Variants in CLOCK observed in about 807,000 individuals in gnomAD.
The protein encoded by CLOCK is circadian locomoter output cycles protein kaput.
A neutral mutation model predicts 118.4 loss-of-function variants in CLOCK; 43 were observed. The ratio of observed to expected loss-of-function variants is 0.36; its 90% CI spans 0.28 to 0.47. The LOEUF is 0.47. Among genes scored for constraint, CLOCK ranks in the 20% least tolerant of loss-of-function variants. The pLI is 1.00. For missense variants in CLOCK, 846 were observed against 999.9 expected (o/e 0.85, Z 2.08); for synonymous variants, 326 against 339.2 (o/e 0.96, Z 0.43).
At chr4:55,448,644 G>GCA in intron 18 of CLOCK, 135 bp downstream of exon 18, 1 of 571,366 alleles carries the variant, frequency 1.8e-6, no homozygotes, top group Non-Finnish European at 3.2e-6. Context: ...GTGTGTGTGT[G>GCA]CTCCTACCTC....
At chr4:55,483,599 A>C (rs1391182171) in intron 3 of CLOCK, among the ~76,000 whole-genome samples, 1 of 152,222 alleles carries the variant, frequency 6.6e-6, no homozygotes, top group East Asian at 1.9e-4. Context: ...AGAAACAGAT[A>C]ATAGGTGAAA....
intron 21 of CLOCK, among the ~76,000 whole-genome samples, chr4:55,440,042 A>C (rs779969674): frequency 6.6e-6 from 1 of 152,118 alleles, no homozygotes; most frequent in East Asian, 1.9e-4. Flanking sequence ...ATAAAAAAAA[A>C]CCTTTTTCTT....
chr4:55,513,317 C>G (rs144594181), intron 1 of CLOCK, among the ~76,000 whole-genome samples: 2 of 152,262 alleles, frequency 1.3e-5, no homozygotes, highest in Admixed American at 1.3e-4. Context: ...CTACACCATA[C>G]AGCCTAGGTG....
rs534304598 is a variant in CLOCK at position 55,502,843 on chromosome 4, A to C, written c.-136+7069T>G. Among the ~76,000 whole-genome samples, 6 of 152,340 alleles carry C rather than the reference A, an allele frequency of 3.9e-5. No homozygotes were observed. In the East Asian group the frequency reaches 5.8e-4, roughly 15 times the overall value. On this transcript the variant is annotated intron_variant, in intron 2 of 22. Transcript: ENST00000513440. Reference sequence around the variant, plus strand: ...CTCAACAGAAAAATCAGCAAAAGACATAACAGTCATATCCCCAAAGAGGAT... The same window carrying C: ...CTCAACAGAAAAATCAGCAAAAGACCTAACAGTCATATCCCCAAAGAGGAT...
Position 55,470,739 on chromosome 4 carries a change from G to A in CLOCK, c.416C>T (p.Thr139Ile), listed in dbSNP as rs766067893. 2 of 1,607,948 alleles carry A rather than the reference G, an allele frequency of 1.2e-6. No individual in the cohort carries two copies. Among genetic ancestry groups the A allele is most frequent in the South Asian group, 2.2e-5 (2 of 90,554 alleles). Residue 139 changes from threonine (T) to isoleucine (I), a missense_variant, in exon 8 of 23, where the codon ACT (threonine) becomes ATT (isoleucine). Thr to Ile is a moderately conservative substitution (Grantham distance 89). Coordinates refer to ENST00000513440, the MANE Select transcript of CLOCK (RefSeq NM_004898.4). Reference protein sequence around the residue: ...GSIIYVSESVTSLLEHLPSDL... With the variant: ...GSIIYVSESVISLLEHLPSDL... ...TACTGGTAAATGTTCAAGTAATGAA[G>A]TTACACTCTCAGACACATATATTAT...
intron 1 of CLOCK, among the ~76,000 whole-genome samples, chr4:55,539,420 A>G (rs1233328606): frequency 6.6e-6 from 1 of 151,984 alleles, no homozygotes. Flanking sequence ...CAAAAAATTT[A>G]AAAATTAGCT....
intron 1 of CLOCK, among the ~76,000 whole-genome samples, chr4:55,539,908 C>A (rs1320644984): frequency 6.6e-6 from 1 of 151,744 alleles, no homozygotes; most frequent in African/African-American, 2.4e-5. Context: ...TATAAGTATA[C>A]ATATACTTAT....
At chr4:55,518,882 C>A (rs1274672848) in intron 1 of CLOCK, among the ~76,000 whole-genome samples, 2 of 152,140 alleles carry the variant, frequency 1.3e-5, no homozygotes, top group Non-Finnish European at 1.5e-5. Flanking sequence ...AGTTCCAATG[C>A]CCCTGGATGA....
At chr4:55,449,649 G>A (rs1236818605) in intron 16 of CLOCK, among the ~76,000 whole-genome samples, 153 bp from the exon 17 acceptor site, 2 of 152,170 alleles carry the variant, frequency 1.3e-5, no homozygotes, top group East Asian at 3.8e-4. Context: ...ATGATTCAAT[G>A]TAGTTACTTC....
At chr4:55,468,338 T>G (rs1725878282) in intron 8 of CLOCK, among the ~76,000 whole-genome samples, 1 of 152,098 alleles carries the variant, frequency 6.6e-6, no homozygotes, top group African/African-American at 2.4e-5. Context: ...CATCATTACA[T>G]ATTAAAAACT....
intron 2 of CLOCK, among the ~76,000 whole-genome samples, chr4:55,494,242 T>C (rs978750516): frequency 9.2e-5 from 14 of 152,278 alleles, no homozygotes; most frequent in Admixed American, 1.3e-4. Flanking sequence ...CACCTGGCCT[T>C]CATCCTGACA....
intron 6 of CLOCK, among the ~76,000 whole-genome samples, chr4:55,476,987 T>TA (rs907587179): frequency 1.1e-4 from 17 of 152,102 alleles, no homozygotes; most frequent in African/African-American, 4.1e-4. Flanking sequence ...GAAATGCCTG[T>TA]AGTGGAATAT....
rs771888939 is a variant in CLOCK, at chr4:55,449,433, T to C, written c.1412A>G (p.Glu471Gly). ...TPPRQHLPAH[E>G]KMVQRRSSFS... The stretch of plus-strand genomic sequence containing the variant: ...TGATGACCTTCTTTGCACCATCTTC[T>C]CATGAGCTGGTAAATGCTGCCTGGG... Residue 471 changes from glutamate to glycine, a missense_variant, in exon 17 of 23, where the codon GAG (glutamate) becomes GGG (glycine). Transcript: ENST00000513440. 6.8e-6 allele frequency: 11 copies of C among 1,613,912 alleles called. No homozygotes were observed. In the East Asian group the frequency reaches 2.0e-4, roughly 29 times the overall value.
At chr4:55,475,794 T>C (rs1353075406) in intron 7 of CLOCK, among the ~76,000 whole-genome samples, 169 bp downstream of exon 7, 3 of 152,200 alleles carry the variant, frequency 2.0e-5, no homozygotes, top group African/African-American at 7.2e-5. Context: ...CCTAATAGAC[T>C]ACAGGGAAAC....
rs892451517 is a variant in CLOCK at position 55,431,836 on chromosome 4, G to C, written c.*3579C>G. ...ATCCAGTTTAAAAGAATTTTCACTT[G>C]TCTGCGTAGAGTACTATTTTAAGGA... On this transcript the variant is annotated 3_prime_UTR_variant, in exon 23 of 23. Coordinates refer to ENST00000513440, the MANE Select transcript of CLOCK (RefSeq NM_004898.4). 6.6e-6 allele frequency: 1 copy of C among 152,168 alleles called. No homozygotes were observed. Among genetic ancestry groups the C allele is most frequent in the Non-Finnish European group, 1.5e-5 (1 of 68,040 alleles). The allele number at this position is 152,168 out of a possible 1,614,324, so 9.4% of individuals were successfully genotyped here. A position where few individuals can be genotyped will look rare whatever the true frequency, so the allele number is the denominator to read the frequency against.
chr4:55,477,155 T>C (rs181045056), intron 6 of CLOCK, among the ~76,000 whole-genome samples: 6 of 152,188 alleles, frequency 3.9e-5, no homozygotes, highest in Non-Finnish European at 7.4e-5. Flanking sequence ...GATACATATA[T>C]AAAATCCTTT....
intron 1 of CLOCK, among the ~76,000 whole-genome samples, chr4:55,524,056 C>T (rs2110069534): frequency 6.6e-6 from 1 of 152,220 alleles, no homozygotes; most frequent in East Asian, 1.9e-4. Flanking sequence ...AAGAACACAT[C>T]ATTTTAGCAA....
intron 1 of CLOCK, among the ~76,000 whole-genome samples, chr4:55,524,207 C>T (rs576862310): frequency 6.6e-6 from 1 of 151,718 alleles, no homozygotes; most frequent in Non-Finnish European, 1.5e-5. Flanking sequence ...CTGGCCAACA[C>T]AGCAAAACCC....
chr4:55,520,025 A>G (rs1729760721), intron 1 of CLOCK, among the ~76,000 whole-genome samples: 1 of 152,148 alleles, frequency 6.6e-6, no homozygotes. Context: ...CAAAGGTTGC[A>G]TATTTAGTCT....
Sources: allele counts gnomAD v4.1 joint callset (sites outside exome capture counted in the v4.1 genomes callset), GRCh38; gene constraint gnomAD v4.1.1; transcripts MANE v1.5; gene names NCBI Gene and HGNC (gene_info 2026-07-23, HGNC 2026-07-21).